FGF12: variants seen among roughly 807,000 people sequenced by gnomAD.
FGF12 encodes the protein fibroblast growth factor 12B.
FGF12 carries 14 observed loss-of-function variants against 23.6 expected under a neutral mutation model. The observed-to-expected ratio is 0.59, with a 90% CI of 0.39 to 0.93. The LOEUF is 0.93. Among genes scored for constraint, FGF12 ranks in the 40% least tolerant of loss-of-function variants. The pLI is 0.00. For missense variants in FGF12, 175 were observed against 217.8 expected (o/e 0.80, Z 1.24); for synonymous variants, 62 against 77.3 (o/e 0.80, Z 1.04).
chr3:192,446,665 T>C (rs1304866790), intron 2 of FGF12, among the ~76,000 whole-genome samples: 1 of 152,190 alleles, frequency 6.6e-6, no homozygotes, highest in East Asian at 1.9e-4. Context: ...AGCATCTACA[T>C]GTGTAACGCA....
intron 2 of FGF12, among the ~76,000 whole-genome samples, chr3:192,460,489 A>G (rs775412966): frequency 2.6e-5 from 4 of 151,956 alleles, no homozygotes; most frequent in Non-Finnish European, 4.4e-5. Context: ...CTGAGAATCA[A>G]CTCTGAAACA....
At chr3:192,550,037 T>C (rs1184586784) in intron 2 of FGF12, among the ~76,000 whole-genome samples, 1 of 152,052 alleles carries the variant, frequency 6.6e-6, no homozygotes, top group African/African-American at 2.4e-5. Flanking sequence ...TCTCTATATA[T>C]GTATATTATA....
intron 2 of FGF12, among the ~76,000 whole-genome samples, chr3:192,449,446 C>T (rs1722457997): frequency 2.0e-5 from 3 of 152,170 alleles, no homozygotes; most frequent in Admixed American, 6.5e-5. Flanking sequence ...CCAATGTGGA[C>T]ACCATGCATC....
At chr3:192,346,828 T>G (rs1000623819) in intron 3 of FGF12, among the ~76,000 whole-genome samples, 3 of 152,150 alleles carry the variant, frequency 2.0e-5, no homozygotes, top group African/African-American at 7.2e-5. Context: ...TGATTTGTCA[T>G]TTCCCACTTG....
At chr3:192,524,575 G>A (rs1724897587) in intron 2 of FGF12, among the ~76,000 whole-genome samples, 1 of 152,184 alleles carries the variant, frequency 6.6e-6, no homozygotes, top group Non-Finnish European at 1.5e-5. Flanking sequence ...GTAATTTGGA[G>A]AATGAATATT....
intron 2 of FGF12, among the ~76,000 whole-genome samples, chr3:192,631,388 T>C (rs994139458): frequency 2.0e-5 from 3 of 152,204 alleles, no homozygotes; most frequent in African/African-American, 4.8e-5. Context: ...TCATCCAGTA[T>C]AGCACTCCTG....
At chr3:192,348,402 A>G (rs1469410465) in intron 3 of FGF12, among the ~76,000 whole-genome samples, 1 of 152,158 alleles carries the variant, frequency 6.6e-6, no homozygotes, top group East Asian at 1.9e-4. Flanking sequence ...CTCAAATCAG[A>G]TATATGAAAT....
chr3:192,302,361 T>C (rs1256432739), intron 4 of FGF12, among the ~76,000 whole-genome samples: 1 of 152,174 alleles, frequency 6.6e-6, no homozygotes, highest in Non-Finnish European at 1.5e-5. Context: ...AGTTAATATA[T>C]TTAAGGAGTC....
intron 2 of FGF12, among the ~76,000 whole-genome samples, chr3:192,497,457 A>T (rs1287160578): frequency 6.6e-6 from 1 of 152,248 alleles, no homozygotes; most frequent in African/African-American, 2.4e-5. Flanking sequence ...GGATCCGTTT[A>T]TAAATGTAAA....
intron 4 of FGF12, among the ~76,000 whole-genome samples, chr3:192,200,096 T>G (rs1362029597): frequency 1.3e-5 from 2 of 151,344 alleles, no homozygotes; most frequent in East Asian, 3.9e-4. Context: ...GTGGGTGGAT[T>G]GTCTGAGCTC....
intron 2 of FGF12, among the ~76,000 whole-genome samples, chr3:192,504,025 TA>T (rs1724215551): frequency 6.6e-6 from 1 of 151,930 alleles, no homozygotes; most frequent in South Asian, 2.1e-4. Flanking sequence ...AGAATGAGAT[TA>T]CGTTCTTTGC....
chr3:192,270,474 T>G (rs1454991233), intron 4 of FGF12, among the ~76,000 whole-genome samples: 1 of 152,074 alleles, frequency 6.6e-6, no homozygotes, highest in Non-Finnish European at 1.5e-5. Flanking sequence ...GAAAAATAAT[T>G]CAATCTAAGT....
At chr3:192,724,881 TGGG>T (rs1719159426) in intron 2 of FGF12, among the ~76,000 whole-genome samples, 1 of 152,190 alleles carries the variant, frequency 6.6e-6, no homozygotes, top group Non-Finnish European at 1.5e-5. Flanking sequence ...CCATTAGATC[TGGG>T]TATGGGATAG....
At chr3:192,717,582 TC>T (rs1718903484) in intron 2 of FGF12, among the ~76,000 whole-genome samples, 1 of 151,982 alleles carries the variant, frequency 6.6e-6, no homozygotes, top group Non-Finnish European at 1.5e-5. Context: ...ACAGTTTTTT[TC>T]CCCATAAAGC....
chr3:192,422,743 T>A (rs1316336280), intron 2 of FGF12, among the ~76,000 whole-genome samples: 1 of 152,218 alleles, frequency 6.6e-6, no homozygotes, highest in Non-Finnish European at 1.5e-5. Context: ...TGGCTAAGGT[T>A]ATACAGCTGT....
chr3:192,228,480 T>A (rs1423757234), intron 4 of FGF12, among the ~76,000 whole-genome samples: 1 of 152,142 alleles, frequency 6.6e-6, no homozygotes, highest in Non-Finnish European at 1.5e-5. Context: ...AACAGTGTTT[T>A]ATCTATGTAG....
Position 192,158,332 on chromosome 3 carries a change from CTCTTTCTTTCTTTCTTTCTTTCTT to C in FGF12, c.427+12102_427+12125del, listed in dbSNP as rs375016082. Reference sequence around the variant, plus strand: ...CCCTTTTCTCTTTCTTTCTTTCTTTCTCTTTCTTTCTTTCTTTCTTTCTTTCTTTCTTTCTTTCTTTCTTTCTTT... The same window carrying C: ...CCCTTTTCTCTTTCTTTCTTTCTTTCTCTTTCTTTCTTTCTTTCTTTCTTT... On this transcript the variant is annotated intron_variant, in intron 5 of 5. Transcript: ENST00000445105. Among the ~76,000 whole-genome samples, 35 of 112,446 alleles carry C rather than the reference CTCTTTCTTTCTTTCTTTCTTTCTT, an allele frequency of 3.1e-4. 1 individual carries two copies. Among genetic ancestry groups the C allele is most frequent in the South Asian group, 7.0e-4 (2 of 2,844 alleles). The allele number at this position is 112,446 out of a possible 152,430, so 73.8% of individuals were successfully genotyped here.
intron 2 of FGF12, among the ~76,000 whole-genome samples, chr3:192,365,027 C>T (rs948603695): frequency 6.6e-6 from 1 of 151,762 alleles, no homozygotes. Context: ...CCAGTCTATT[C>T]ATGAGAAAAA....
intron 4 of FGF12, among the ~76,000 whole-genome samples, chr3:192,237,060 T>C (rs1719339268): frequency 6.6e-6 from 1 of 152,180 alleles, no homozygotes; most frequent in Admixed American, 6.5e-5. Flanking sequence ...TTTGCTTGTC[T>C]GAAAAAGATT....
Sources: allele counts gnomAD v4.1 joint callset (sites outside exome capture counted in the v4.1 genomes callset), GRCh38; gene constraint gnomAD v4.1.1; transcripts MANE v1.5; gene names NCBI Gene and HGNC (gene_info 2026-07-23, HGNC 2026-07-21).